Variants in RASGRF2 observed in about 807,000 individuals in gnomAD.
The protein encoded by RASGRF2 is Ras protein specific guanine nucleotide releasing factor 2, also known as ras-specific guanine nucleotide-releasing factor 2.
A neutral mutation model predicts 151.0 loss-of-function variants in RASGRF2; 76 were observed. The ratio of observed to expected loss-of-function variants is 0.50; its 90% CI spans 0.42 to 0.61. RASGRF2 has a LOEUF of 0.61. Among genes scored for constraint, RASGRF2 ranks in the 20% least tolerant of loss-of-function variants. RASGRF2 has a pLI of 0.00. For synonymous variants in RASGRF2, 504 were observed against 566.5 expected, an observed-to-expected ratio of 0.89 and a Z score of 1.57; for missense variants, 1,148 against 1,564.6, an observed-to-expected ratio of 0.73 and a Z score of 4.49.
intron 23 of RASGRF2, 86 bp from the exon 24 acceptor site, chr5:81,215,789 AG>A (rs1382344780): frequency 7.3e-7 from 1 of 1,376,470 alleles, no homozygotes; most frequent in African/African-American, 1.5e-5. Context: ...CTGTCACCAA[AG>A]AAGAGAACTG....
chr5:81,057,168 T>C (rs1751247028), intron 2 of RASGRF2, among the ~76,000 whole-genome samples: 1 of 152,238 alleles, frequency 6.6e-6, no homozygotes, highest in Non-Finnish European at 1.5e-5. Flanking sequence ...TTTGATCCTG[T>C]CATTATGATG....
At chr5:81,111,707 A>C (rs1358399133) in intron 13 of RASGRF2, among the ~76,000 whole-genome samples, 1 of 152,122 alleles carries the variant, frequency 6.6e-6, no homozygotes, top group African/African-American at 2.4e-5. Flanking sequence ...GAAGGAAATA[A>C]GAAGAGACAT....
intron 1 of RASGRF2, among the ~76,000 whole-genome samples, chr5:81,037,808 C>T (rs1384976813): frequency 6.6e-6 from 1 of 152,074 alleles, no homozygotes; most frequent in Admixed American, 6.6e-5. Context: ...CAGTTGAAAT[C>T]CCATGTACCC....
intron 17 of RASGRF2, among the ~76,000 whole-genome samples, chr5:81,157,233 A>G (rs1241065957): frequency 6.6e-6 from 1 of 151,700 alleles, no homozygotes; most frequent in Admixed American, 6.6e-5. Context: ...GGGCGCCTGT[A>G]GTCCCAGCTA....
intron 1 of RASGRF2, among the ~76,000 whole-genome samples, chr5:80,976,852 T>C (rs940001468): frequency 3.3e-5 from 5 of 152,234 alleles, no homozygotes; most frequent in African/African-American, 1.2e-4. Flanking sequence ...TTCTGGCCAC[T>C]AGAAAGTTCT....
At chr5:81,038,441 G>A (rs750103286) in intron 1 of RASGRF2, among the ~76,000 whole-genome samples, 10 of 151,644 alleles carry the variant, frequency 6.6e-5, no homozygotes, top group Non-Finnish European at 1.5e-4. Flanking sequence ...CCCTGATTAT[G>A]AGTACAATTA....
At chr5:81,072,970 C>T (rs1249291128) in intron 4 of RASGRF2, among the ~76,000 whole-genome samples, 1 of 152,222 alleles carries the variant, frequency 6.6e-6, no homozygotes, top group Non-Finnish European at 1.5e-5. Context: ...TTTACCTGGG[C>T]ATTTTAAAGA....
In RASGRF2 at chr5:81,094,971, C is replaced by G. The variant is rs1752507987; in HGVS notation, c.1734C>G (p.Ala578=). 1.3e-6 allele frequency: 2 copies of G among 1,558,398 alleles called. No homozygotes were observed. The highest frequency in any genetic ancestry group is 1.7e-6 in the Non-Finnish European group (2 of 1,152,896). The change falls in exon 12 of 27, where the codon GCC becomes GCG. Residue 578 remains alanine (A), a synonymous_variant. Transcript: ENST00000265080. ...LLAPSRQEKA[A]WMSDISQCVD... The stretch of plus-strand genomic sequence containing the variant: ...CACCCTCACGCCAGGAGAAAGCTGC[C>G]TGGATGAGTGACATCAGTCAGGTAA...
intron 1 of RASGRF2, among the ~76,000 whole-genome samples, chr5:80,972,217 G>A (rs1442654874): frequency 1.3e-5 from 2 of 152,146 alleles, no homozygotes; most frequent in Admixed American, 1.3e-4. Flanking sequence ...GAATGGAGTT[G>A]TTTCAAAGGG....
intron 18 of RASGRF2, among the ~76,000 whole-genome samples, chr5:81,185,058 G>A (rs906575434): frequency 7.6e-4 from 115 of 152,252 alleles, no homozygotes; most frequent in Middle Eastern, 3.4e-3. Context: ...GGAGTGGCTC[G>A]GCCACCTAAG....
At chr5:80,964,530 A>G (rs1391712853) in intron 1 of RASGRF2, among the ~76,000 whole-genome samples, 2 of 152,110 alleles carry the variant, frequency 1.3e-5, no homozygotes, top group Non-Finnish European at 2.9e-5. Flanking sequence ...CTGAAACTCA[A>G]AGACTTCTGG....
chr5:81,137,776 GA>G (rs1753788297), intron 17 of RASGRF2, among the ~76,000 whole-genome samples: 1 of 152,234 alleles, frequency 6.6e-6, no homozygotes, highest in African/African-American at 2.4e-5. Flanking sequence ...ACAGCTATGA[GA>G]AAATACATTT....
intron 18 of RASGRF2, among the ~76,000 whole-genome samples, chr5:81,187,530 T>C (rs1415426518): frequency 6.6e-6 from 1 of 152,186 alleles, no homozygotes; most frequent in Non-Finnish European, 1.5e-5. Flanking sequence ...TATATTAGGT[T>C]TGTGGAGAGG....
At chr5:81,199,758 C>T (rs35679143) in intron 18 of RASGRF2, among the ~76,000 whole-genome samples, 20,251 of 151,664 alleles carry the variant, frequency 0.13, 1,435 homozygotes, top group Middle Eastern at 0.17. Flanking sequence ...ATTAGCCAGG[C>T]GTGGTGGCAC....
chr5:81,137,275 A>G (rs1472608896), intron 17 of RASGRF2, among the ~76,000 whole-genome samples: 1 of 152,200 alleles, frequency 6.6e-6, no homozygotes, highest in Non-Finnish European at 1.5e-5. Context: ...TCCTGAGCAC[A>G]TTTAAGGTGG....
At chr5:81,108,965 G>A (rs755751556) in intron 12 of RASGRF2, 31 bp from the exon 13 acceptor site, 1 of 1,588,340 alleles carries the variant, frequency 6.3e-7, no homozygotes, top group Non-Finnish European at 8.6e-7. Flanking sequence ...GCTTTCATGT[G>A]GGTTGTAATT....
chr5:81,146,404 C>T (rs577098680), intron 17 of RASGRF2, among the ~76,000 whole-genome samples: 1 of 152,072 alleles, frequency 6.6e-6, no homozygotes, highest in Admixed American at 6.6e-5. Flanking sequence ...CTCAGTTGCC[C>T]AGGGAGTTAG....
At chr5:81,133,925 T>C (rs1009632488) in intron 17 of RASGRF2, among the ~76,000 whole-genome samples, 4 of 152,122 alleles carry the variant, frequency 2.6e-5, no homozygotes, top group Non-Finnish European at 4.4e-5. Flanking sequence ...TAATGTGAGT[T>C]GGGCTTGGAT....
At chr5:81,087,387 A>G (rs1752269357) in intron 9 of RASGRF2, 5 of 697,756 alleles carry the variant, frequency 7.2e-6, no homozygotes, top group Non-Finnish European at 5.2e-6. Flanking sequence ...TGTTGTTCCC[A>G]TTTTTCATCA....
Sources: allele counts gnomAD v4.1 joint callset (sites outside exome capture counted in the v4.1 genomes callset), GRCh38; gene constraint gnomAD v4.1.1; transcripts MANE v1.5; gene names NCBI Gene and HGNC (gene_info 2026-07-23, HGNC 2026-07-21).